POM121C: variants seen among roughly 807,000 people sequenced by gnomAD.
The protein encoded by POM121C is nuclear envelope pore membrane protein POM 121C.
Under a neutral mutation model 66.4 loss-of-function variants are expected in POM121C, and 20 were observed. The observed-to-expected ratio is 0.30, with a 90% CI of 0.21 to 0.44. The LOEUF is 0.44. Among genes scored for constraint, POM121C ranks in the 20% least tolerant of loss-of-function variants. The pLI is 1.00. For synonymous variants in POM121C, 286 were observed against 528.0 expected (o/e 0.54, Z 6.28); for missense variants, 580 against 1,225.7 (o/e 0.47, Z 7.87).
chr7:75,473,486 G>A (rs1379165596), intron 3 of POM121C, among the ~76,000 whole-genome samples: 9 of 152,094 alleles, frequency 5.9e-5, no homozygotes, highest in African/African-American at 2.2e-4. Context: ...AATGAGCATT[G>A]GGGAAAGAGG....
At chr7:75,439,541 A>C (rs1790548323) in intron 5 of POM121C, among the ~76,000 whole-genome samples, 1 of 152,088 alleles carries the variant, frequency 6.6e-6, no homozygotes, top group South Asian at 2.1e-4. Context: ...ATGCACCACC[A>C]CACCTGGCTA....
At chr7:75,472,724 T>G (rs1791922159) in intron 3 of POM121C, among the ~76,000 whole-genome samples, 1 of 151,904 alleles carries the variant, frequency 6.6e-6, no homozygotes, top group Non-Finnish European at 1.5e-5. Flanking sequence ...GAGAATCGCT[T>G]GAACCTGGGA....
At chr7:75,453,555 C>T (rs138468653) in intron 3 of POM121C, among the ~76,000 whole-genome samples, 26,193 of 149,490 alleles carry the variant, frequency 0.18, 2,625 homozygotes, top group Middle Eastern at 0.29. Flanking sequence ...GCACTCCAGC[C>T]TGGGCAACAA....
intron 3 of POM121C, among the ~76,000 whole-genome samples, chr7:75,443,349 C>T (rs1790732478): frequency 6.6e-6 from 1 of 150,906 alleles, no homozygotes; most frequent in Admixed American, 6.6e-5. Flanking sequence ...TTTCTCGTAG[C>T]AGCATAAACA....
chr7:75,447,778 C>T (rs1290540128), intron 3 of POM121C, among the ~76,000 whole-genome samples: 3 of 151,832 alleles, frequency 2.0e-5, no homozygotes, highest in East Asian at 1.9e-4. Context: ...AATCCCAGCA[C>T]TTTGGGAGGC....
Position 75,430,538 on chromosome 7 carries a change from G to A in POM121C, c.481-4085C>T, listed in dbSNP as rs1229982893. 7.9e-5 allele frequency among the ~76,000 whole-genome samples: 12 copies of A among 152,228 alleles called. No homozygotes were observed. In the South Asian group the frequency reaches 2.3e-3, roughly 29 times the overall value. ...CAAAAATCAATTTCAGGTGGATTAT[G>A]GATTTACATATGAAAATATTAATAA... On this transcript the variant is annotated intron_variant, in intron 7 of 14. Transcript: ENST00000615331.
In POM121C at chr7:75,474,686, GA is replaced by G. The variant is rs1364217947; in HGVS notation, c.-152+17del. The G allele has an allele frequency of 7.3e-7, 1 of 1,361,978 alleles. No homozygotes were observed. The highest frequency in any genetic ancestry group is 1.0e-6 in the Non-Finnish European group (1 of 966,838). The allele number at this position is 1,361,978 out of a possible 1,614,324, so 84.4% of individuals were successfully genotyped here. ...CTGGGATGAGCATTTTTTAACATTTGATACTCTACTAACTTACCAGGACTAT... is the reference window on the plus strand; with the variant it reads ...CTGGGATGAGCATTTTTTAACATTTGTACTCTACTAACTTACCAGGACTAT... On this transcript the variant is annotated intron_variant, in intron 3 of 14. Transcript: ENST00000615331.
chr7:75,480,534 G>C (rs1421678098), intron 1 of POM121C, among the ~76,000 whole-genome samples: 1 of 152,090 alleles, frequency 6.6e-6, no homozygotes, highest in Non-Finnish European at 1.5e-5. Flanking sequence ...AGCAGAACAA[G>C]CCATCTTCTC....
intron 1 of POM121C, among the ~76,000 whole-genome samples, chr7:75,478,177 G>T (rs587670696): frequency 6.6e-6 from 1 of 152,258 alleles, no homozygotes; most frequent in African/African-American, 2.4e-5. Flanking sequence ...ATGTTGGCCA[G>T]GCTGGTCTTG....
At chr7:75,485,108 A>G (rs2462269) in intron 1 of POM121C, among the ~76,000 whole-genome samples, 3 of 152,086 alleles carry the variant, frequency 2.0e-5, no homozygotes, top group African/African-American at 4.8e-5. Context: ...GCCCCGCAAA[A>G]TGCTCGGATT....
intron 1 of POM121C, among the ~76,000 whole-genome samples, chr7:75,484,522 AGCCAG>A (rs1554480587): frequency 6.6e-6 from 1 of 152,102 alleles, no homozygotes; most frequent in African/African-American, 2.4e-5. Context: ...AAAAAAAATT[AGCCAG>A]GCATAGAGTC....
chr7:75,442,026 C>T, intron 3 of POM121C: 1 of 953,880 alleles, frequency 1.0e-6, no homozygotes, highest in South Asian at 2.0e-5. Context: ...TTAAGGAGGG[C>T]AAAACCACAC....
intron 6 of POM121C, among the ~76,000 whole-genome samples, chr7:75,438,310 C>T (rs879986455): frequency 6.6e-6 from 1 of 152,198 alleles, no homozygotes; most frequent in Admixed American, 6.5e-5. Flanking sequence ...CTCTAACTTT[C>T]ACCCACGGAT....
rs1379926613 is a variant in POM121C at position 75,418,783 on chromosome 7, C to T, written c.*13G>A. 1.1e-5 allele frequency: 17 copies of T among 1,593,620 alleles called. No homozygotes were observed. The African/African-American group carries it at 2.2e-4, about 20-fold the overall frequency. On this transcript the variant is annotated 3_prime_UTR_variant, in exon 15 of 15. Transcript: ENST00000615331. ...AGGGAAGGGGTGGGGGGAACAGGGA[C>T]AGGGGACAAAGGCTACTTTTTGCGG...
intron 7 of POM121C, among the ~76,000 whole-genome samples, chr7:75,429,485 G>C (rs1790084387): frequency 6.6e-6 from 1 of 152,144 alleles, no homozygotes; most frequent in Admixed American, 6.5e-5. Context: ...TCCAAAATTA[G>C]CCAGGTGTGG....
At chr7:75,421,307 C>G (rs1184459275) in intron 13 of POM121C, 8 of 1,355,782 alleles carry the variant, frequency 5.9e-6, no homozygotes, top group Non-Finnish European at 7.9e-6. Flanking sequence ...ACTCAGAAGG[C>G]CTTTGACCAG....
chr7:75,450,234 G>A (rs587725011), intron 3 of POM121C, among the ~76,000 whole-genome samples: 45 of 152,108 alleles, frequency 3.0e-4, no homozygotes, highest in Non-Finnish European at 5.1e-4. Flanking sequence ...ATGGTAGCCC[G>A]AGCAAACTAA....
chr7:75,433,078 A>G (rs1379524434), intron 7 of POM121C, among the ~76,000 whole-genome samples: 1 of 151,768 alleles, frequency 6.6e-6, no homozygotes, highest in African/African-American at 2.4e-5. Flanking sequence ...TACTAAAAAT[A>G]CAAAAAATTA....
rs1386122343 is a variant in POM121C, at chr7:75,416,965, G to A, written c.*1831C>T. ...ACATCCACACTCACTCTCACTCAGGGTTCCCGGACCGGCTGTCCTGCCTGC... is the reference window on the plus strand; with the variant it reads ...ACATCCACACTCACTCTCACTCAGGATTCCCGGACCGGCTGTCCTGCCTGC... On this transcript the variant is annotated 3_prime_UTR_variant, in exon 15 of 15. Coordinates refer to ENST00000615331, the MANE Select transcript of POM121C (RefSeq NM_001099415.3). 1.5e-6 allele frequency: 2 copies of A among 1,371,324 alleles called. No individual in the cohort carries two copies. The highest frequency in any genetic ancestry group is 1.7e-5 in the South Asian group (1 of 58,614). The allele number at this position is 1,371,324 out of a possible 1,614,324, so 84.9% of individuals were successfully genotyped here.
Sources: gnomAD v4.1 joint callset for allele counts (sites outside exome capture counted in the v4.1 genomes callset) on GRCh38, gnomAD v4.1.1 for gene constraint, MANE v1.5 for transcripts, NCBI Gene and HGNC (gene_info 2026-07-23, HGNC 2026-07-21) for gene names.